The following CCDC154 variants were observed in gnomAD, a reference collection of about 807,000 sequenced individuals.
CCDC154 encodes coiled-coil domain containing 154.
In CCDC154, 91 loss-of-function variants were observed where a neutral mutation model predicts 87.5. The ratio of observed to expected loss-of-function variants is 1.04; its 90% CI spans 0.88 to 1.24. CCDC154 has a LOEUF of 1.24. CCDC154 is among the 50% of genes most tolerant of loss of function. CCDC154 has a pLI of 0.00. For missense variants in CCDC154, 903 were observed against 879.2 expected, an observed-to-expected ratio of 1.03 and a Z score of -0.34; for synonymous variants, 418 against 400.4, an observed-to-expected ratio of 1.04 and a Z score of -0.52.
In CCDC154 at chr16:1,443,918, C is replaced by G. The variant is rs750771263; in HGVS notation, c.102G>C (p.Leu34=). The part of the protein sequence containing the change: ...EDLGLLLAGG[L]ASPEPLSLEE... ...CCAGGCTCAAGGGCTCGGGGCTGGCCAGGCCTCCTGCCAGGAGGAGCCCCA... is the reference window on the plus strand; with the variant it reads ...CCAGGCTCAAGGGCTCGGGGCTGGCGAGGCCTCCTGCCAGGAGGAGCCCCA... Residue 34 remains leucine, a synonymous_variant, in exon 2 of 17, where the codon CTG becomes CTC. Coordinates refer to ENST00000389176, the MANE Select transcript of CCDC154 (RefSeq NM_001143980.3). The G allele has an allele frequency of 2.3e-6, 3 of 1,303,928 alleles. No individual in the cohort carries two copies. The highest frequency in any genetic ancestry group is 3.0e-5 in the African/African-American group (2 of 65,880). 80.8% of individuals were successfully genotyped at this position (1,303,928 alleles called of 1,614,324 possible).
intron 8 of CCDC154, 34 bp from the exon 9 acceptor site, chr16:1,438,771 ACCCCGG>A (rs1281167402): frequency 2.6e-5 from 40 of 1,543,624 alleles, no homozygotes; most frequent in Admixed American, 5.9e-5. Context: ...TGAGACCTGC[ACCCCGG>A]CCCCGGCCCC....
chr16:1,439,914 C>G (rs376374461), intron 6 of CCDC154, among the ~76,000 whole-genome samples: 4 of 151,984 alleles, frequency 2.6e-5, no homozygotes, highest in African/African-American at 7.3e-5. Context: ...TTTGGGAGGC[C>G]GAGGCTGGTG....
At chr16:1,436,125 C>T (rs548101656) in intron 13 of CCDC154, 39 bp from the exon 14 acceptor site, 7 of 1,518,074 alleles carry the variant, frequency 4.6e-6, no homozygotes, top group South Asian at 1.2e-5. Context: ...GTCGGGTGTG[C>T]TCGGGGGTAG....
chr16:1,440,177 A>T (rs200457076), intron 6 of CCDC154, among the ~76,000 whole-genome samples: 1 of 144,830 alleles, frequency 6.9e-6, no homozygotes, highest in Non-Finnish European at 1.5e-5. Flanking sequence ...TGGCCGGGCG[A>T]GGTGGCTCAC....
In CCDC154 at chr16:1,438,683, T is replaced by C; in HGVS notation, c.961A>G (p.Thr321Ala). 2 of 1,550,060 alleles carry C rather than the reference T, an allele frequency of 1.3e-6. No homozygotes were observed. Among genetic ancestry groups the C allele is most frequent in the Non-Finnish European group, 1.7e-6 (2 of 1,146,776 alleles). The change falls in exon 9 of 17, where the codon ACC (threonine) becomes GCC (alanine). Residue 321 changes from threonine to alanine, a missense_variant. By Grantham distance (58) the Thr-to-Ala change is moderately conservative. Coordinates refer to ENST00000389176, the MANE Select transcript of CCDC154 (RefSeq NM_001143980.3). Reference sequence around the variant, plus strand: ...GCCTGGTTCTGCTGCACAAACTTGGTCAGCTGGGCCACGGCAGCATCCAGG... The same window carrying C: ...GCCTGGTTCTGCTGCACAAACTTGGCCAGCTGGGCCACGGCAGCATCCAGG... ...QGLDAAVAQL[T>A]KFVQQNQASL...
chr16:1,442,372 G>A, intron 6 of CCDC154, 34 bp downstream of exon 6: 1 of 1,526,374 alleles, frequency 6.6e-7, no homozygotes, highest in Non-Finnish European at 8.8e-7. Flanking sequence ...TCGGCCCTCT[G>A]GGCGGCCCCC....
intron 4 of CCDC154, 128 bp from the exon 5 acceptor site, chr16:1,443,103 G>A (rs1456071387): frequency 2.2e-6 from 3 of 1,358,586 alleles, no homozygotes; most frequent in East Asian, 2.5e-5. Context: ...GGCCGCCCAG[G>A]CACGTACAAA....
chr16:1,434,715 A>T lies in CCDC154; in HGVS notation c.1830T>A (p.Pro610=). 6.5e-7 allele frequency: 1 copy of T among 1,546,944 alleles called. No homozygotes were observed. The highest frequency in any genetic ancestry group is 2.4e-5 in the East Asian group (1 of 40,906). The change falls in exon 16 of 17, where the codon CCT becomes CCA. Residue 610 remains proline (P), a synonymous_variant. Transcript: ENST00000389176. ...AGCAGTTCATGGGCACCACCTTGCC[A>T]GGCGCCATGTCCTTGATGAAGACCC... ...RPRVFIKDMA[P]GKVVPMNCWG...
chr16:1,444,149 C>T, intron 1 of CCDC154, 137 bp from the exon 2 acceptor site: 1 of 1,007,750 alleles, frequency 9.9e-7, no homozygotes, highest in Non-Finnish European at 1.3e-6. Context: ...CACACAGGAT[C>T]CAGACGGGCT....
chr16:1,443,488 G>C lies in CCDC154; in HGVS notation c.414+18C>G, dbSNP rs779611383. 4.1e-5 allele frequency: 59 copies of C among 1,451,540 alleles called. No individual in the cohort carries two copies. The Middle Eastern group carries it at 7.4e-4, about 18-fold the overall frequency. 89.9% of individuals were successfully genotyped at this position (1,451,540 alleles called of 1,614,324 possible). Reference sequence around the variant, plus strand: ...CAGGAAAGGGGCAGCTCGACCTGTGGGTGGGGGAGCCGCTCACCTCCGGCG... The same window carrying C: ...CAGGAAAGGGGCAGCTCGACCTGTGCGTGGGGGAGCCGCTCACCTCCGGCG... On this transcript the variant is annotated intron_variant, in intron 3 of 16. Transcript: ENST00000389176.
Position 1,435,014 on chromosome 16 carries a change from G to A in CCDC154, c.1692+75C>T, listed in dbSNP as rs1002169404. 4.1e-6 allele frequency: 6 copies of A among 1,450,092 alleles called. No homozygotes were observed. In the African/African-American group the frequency reaches 8.5e-5, roughly 20 times the overall value. The allele number at this position is 1,450,092 out of a possible 1,614,324, so 89.8% of individuals were successfully genotyped here. ...CAGACAGACACTGGCGCCTGCAGCA[G>A]GGCAGGCGGGGAGGCGGCAGGGCTG... On this transcript the variant is annotated intron_variant, in intron 15 of 16. Transcript: ENST00000389176.
At position 1,437,850 on chromosome 16, in the gene CCDC154, C is replaced by A. The variant is rs1260501818; in HGVS notation, c.1257G>T (p.Leu419=). ...GCCTGAGGCCCAGCATCTGCTCCTG[C>A]AGATCGAGCCGGCTGCTCAGAGCCG... ...HLPALSSRLD[L]QEQMLGLRLS... Residue 419 remains leucine, a synonymous_variant, in exon 11 of 17, where the codon CTG becomes CTT. Transcript: ENST00000389176. The A allele has an allele frequency of 6.5e-7, 1 of 1,540,786 alleles. No individual in the cohort carries two copies. Among genetic ancestry groups the A allele is most frequent in the East Asian group, 2.4e-5 (1 of 40,882 alleles).
chr16:1,436,481 T>C lies in CCDC154; in HGVS notation c.1451A>G (p.Asp484Gly). The C allele has an allele frequency of 6.5e-7, 1 of 1,548,932 alleles. No individual in the cohort carries two copies. Among genetic ancestry groups the C allele is most frequent in the Non-Finnish European group, 8.7e-7 (1 of 1,146,920 alleles). The change falls in exon 13 of 17, where the codon GAC (aspartate) becomes GGC (glycine). Residue 484 changes from aspartate (D) to glycine (G), a missense_variant. Asp to Gly is a moderately conservative substitution (Grantham distance 94). Coordinates refer to ENST00000389176, the MANE Select transcript of CCDC154 (RefSeq NM_001143980.3). ...TTCGGCGGAAATCCTGAGGTCTGAG[T>C]CGCTCTTATGAAGCAGGCACTTGTC... ...VSDKCLLHKS[D>G]SDLRISAEGK... is the part of the protein sequence containing the mutation.
Position 1,438,179 on chromosome 16 carries a change from A to C in CCDC154, c.1026-3T>G. 1 of 1,536,020 alleles carries C rather than the reference A, an allele frequency of 6.5e-7. No individual in the cohort carries two copies. The highest frequency in any genetic ancestry group is 8.8e-7 in the Non-Finnish European group (1 of 1,139,608). ...CCTCCAAGCGCCCCTTGGCGTCCCT[A>C]GGGGTTGGGGACACATAGACACCCT... On this transcript the variant is annotated splice_region_variant and splice_polypyrimidine_tract_variant and intron_variant, in intron 9 of 16. Transcript: ENST00000389176.
At position 1,443,987 on chromosome 16, in the gene CCDC154, C is replaced by T; in HGVS notation, c.33G>A (p.Gly11=). The change falls in exon 2 of 17, where the codon GGG becomes GGA. Residue 11 remains glycine, a synonymous_variant. Transcript: ENST00000389176. MSELADSGPS[G]ASAPSQLRAV... is the part of the protein sequence containing the mutation. ...CTCTCAGCTGGGAAGGGGCCGATGC[C>T]CCTGAGGGTCCACTGTCAGCCAACT... The T allele has an allele frequency of 1.5e-6, 2 of 1,301,378 alleles. No individual in the cohort carries two copies. The highest frequency in any genetic ancestry group is 1.2e-5 in the South Asian group (1 of 81,034). 80.6% of individuals were successfully genotyped at this position (1,301,378 alleles called of 1,614,324 possible).
chr16:1,436,817 G>A lies in CCDC154; in HGVS notation c.1291-6C>T, dbSNP rs1438247041. 3 of 1,550,392 alleles carry A rather than the reference G, an allele frequency of 1.9e-6. No individual in the cohort carries two copies. The highest frequency in any genetic ancestry group is 4.9e-5 in the East Asian group (2 of 40,920). ...CCTTCCCATTCGGTCTTTGCCTGGG[G>A]TACAGATGCCCAGTGAGGGACAAAG... is the stretch of plus-strand genomic sequence containing the variant. On this transcript the variant is annotated splice_polypyrimidine_tract_variant and splice_region_variant and intron_variant, in intron 11 of 16. Coordinates refer to ENST00000389176, the MANE Select transcript of CCDC154 (RefSeq NM_001143980.3).
rs999513253 is a variant in CCDC154 at position 1,443,898 on chromosome 16, C to A, written c.122G>T (p.Ser41Ile). 1.1e-5 allele frequency: 14 copies of A among 1,304,058 alleles called. No homozygotes were observed. Among genetic ancestry groups the A allele is most frequent in the African/African-American group, 7.6e-5 (5 of 65,890 alleles). The allele number at this position is 1,304,058 out of a possible 1,614,324, so 80.8% of individuals were successfully genotyped here. The change falls in exon 2 of 17, where the codon AGC becomes ATC. Residue 41 changes from serine (S) to isoleucine (I), a missense_variant. Coordinates refer to ENST00000389176, the MANE Select transcript of CCDC154 (RefSeq NM_001143980.3). Reference sequence around the variant, plus strand: ...ATACCTCTCCGAGAGCTCCTCCAGGCTCAAGGGCTCGGGGCTGGCCAGGCC... The same window carrying A: ...ATACCTCTCCGAGAGCTCCTCCAGGATCAAGGGCTCGGGGCTGGCCAGGCC... Reference protein sequence around the residue: ...AGGLASPEPLSLEELSERYES... With the variant: ...AGGLASPEPLILEELSERYES...
chr16:1,444,237 G>A (rs564547638), intron 1 of CCDC154, 79 bp downstream of exon 1: 105 of 1,260,026 alleles, frequency 8.3e-5, no homozygotes, highest in East Asian at 6.7e-4. Context: ...GAGGGAGCCC[G>A]GGGTCAGAAG....
At position 1,434,849 on chromosome 16, in the gene CCDC154, T is replaced by A. The variant is rs1477836235; in HGVS notation, c.1696A>T (p.Thr566Ser). ...TCCCACAGGGTGGCCATCTCCTGCG[T>A]GCGCTGTGGGACGGGGATGCTGGTG... is the stretch of plus-strand genomic sequence containing the variant. Reference protein sequence around the residue: ...LRFNTEARLRTQEMATLWESV... With the variant: ...LRFNTEARLRSQEMATLWESV... The change falls in exon 16 of 17, where the codon ACG becomes TCG. Residue 566 changes from threonine (T) to serine (S), a missense_variant. Coordinates refer to ENST00000389176, the MANE Select transcript of CCDC154 (RefSeq NM_001143980.3). The A allele has an allele frequency of 1.3e-6, 2 of 1,503,274 alleles. No individual in the cohort carries two copies. The highest frequency in any genetic ancestry group is 2.8e-5 in the African/African-American group (2 of 72,312). The allele number at this position is 1,503,274 out of a possible 1,614,324, so 93.1% of individuals were successfully genotyped here. A position where few individuals can be genotyped will look rare whatever the true frequency, so the allele number is the denominator to read the frequency against.
Sources: gnomAD v4.1 joint callset for allele counts (sites outside exome capture counted in the v4.1 genomes callset) on GRCh38, gnomAD v4.1.1 for gene constraint, MANE v1.5 for transcripts, NCBI Gene and HGNC (gene_info 2026-07-23, HGNC 2026-07-21) for gene names.